HYAL4: variants seen among roughly 807,000 people sequenced by gnomAD.
HYAL4 encodes the protein hyaluronidase 4.
HYAL4 carries 37 observed loss-of-function variants against 35.2 expected under a neutral mutation model. The ratio of observed to expected loss-of-function variants is 1.05; its 90% CI spans 0.81 to 1.38. The LOEUF (loss-of-function observed/expected upper bound fraction) is 1.38. Among genes scored for constraint, HYAL4 ranks in the 40% most tolerant of loss-of-function variants. The pLI is 0.00. For synonymous variants in HYAL4, 198 were observed against 203.2 expected (o/e 0.97, Z 0.22); for missense variants, 572 against 572.4 (o/e 1.00, Z 0.01).
At chr7:123,811,923 C>A in the HYAL4 span, among the ~76,000 whole-genome samples, 1 of 152,156 alleles carries the variant, frequency 6.6e-6, no homozygotes, top group South Asian at 2.1e-4. Context: ...CTCACTGCAA[C>A]CTCCATCTAC....
chr7:123,819,867 C>T, the HYAL4 span, among the ~76,000 whole-genome samples: 4 of 150,616 alleles, frequency 2.7e-5, no homozygotes, highest in South Asian at 8.4e-4. Flanking sequence ...GCAGATTCTC[C>T]AAAAATGATA....
the HYAL4 span, among the ~76,000 whole-genome samples, chr7:123,773,962 T>TG: frequency 1.3e-5 from 2 of 152,136 alleles, no homozygotes; most frequent in Admixed American, 6.6e-5. Context: ...TGCTAGGCAG[T>TG]GGGGGGTCAA....
the HYAL4 span, among the ~76,000 whole-genome samples, chr7:123,796,292 T>C: frequency 6.6e-6 from 1 of 152,196 alleles, no homozygotes; most frequent in African/African-American, 2.4e-5. Context: ...CAATTCCTTC[T>C]GTCACTTGGA....
In HYAL4 at chr7:123,868,555, A is replaced by G. The variant is rs1401657527; in HGVS notation, c.282A>G (p.Arg94=). ...GQNVTIFYVN[R]LGYYPWYTSQ... is the part of the protein sequence containing the mutation. The stretch of plus-strand genomic sequence containing the variant: ...ATGTCACTATATTTTATGTCAACAG[A>G]TTGGGATACTATCCGTGGTATACAT... Residue 94 remains arginine, a synonymous_variant, in exon 3 of 5, where the codon AGA becomes AGG. Transcript: ENST00000223026. 6.2e-7 allele frequency: 1 copy of G among 1,613,570 alleles called. No homozygotes were observed. The highest frequency in any genetic ancestry group is 1.3e-5 in the African/African-American group (1 of 74,938).
the HYAL4 span, among the ~76,000 whole-genome samples, chr7:123,800,750 G>A: frequency 1.3e-5 from 2 of 151,470 alleles, no homozygotes; most frequent in East Asian, 2.0e-4. Context: ...TCTGCCTCTC[G>A]GGTTCAAACG....
At chr7:123,770,755 G>T in the HYAL4 span, among the ~76,000 whole-genome samples, 1 of 151,814 alleles carries the variant, frequency 6.6e-6, no homozygotes, top group African/African-American at 2.4e-5. Flanking sequence ...TACATGATCC[G>T]AGTTGTGCTT....
At position 123,868,996 on chromosome 7, in the gene HYAL4, A is replaced by C; in HGVS notation, c.723A>C (p.Glu241Asp). The C allele has an allele frequency of 6.2e-7, 1 of 1,613,798 alleles. No homozygotes were observed. Among genetic ancestry groups the C allele is most frequent in the Non-Finnish European group, 8.5e-7 (1 of 1,179,788 alleles). Reference sequence around the variant, plus strand: ...ACTCTGGGTCATGCCCAGAAGACGAAGTCTTGAGGAACAATGAGCTCTCTT... The same window carrying C: ...ACTCTGGGTCATGCCCAGAAGACGACGTCTTGAGGAACAATGAGCTCTCTT... ...PNYSGSCPEDEVLRNNELSWL... is the reference protein window; with the variant it reads ...PNYSGSCPEDDVLRNNELSWL... The change falls in exon 3 of 5, where the codon GAA becomes GAC. Residue 241 changes from glutamate to aspartate, a missense_variant. Glu to Asp is a conservative substitution (Grantham distance 45). Transcript: ENST00000223026.
At chr7:123,793,492 C>T in the HYAL4 span, among the ~76,000 whole-genome samples, 5 of 152,150 alleles carry the variant, frequency 3.3e-5, no homozygotes, top group African/African-American at 1.2e-4. Flanking sequence ...TCCATAATCC[C>T]TAGATATCAT....
At chr7:123,803,680 G>A in the HYAL4 span, among the ~76,000 whole-genome samples, 1 of 152,114 alleles carries the variant, frequency 6.6e-6, no homozygotes, top group Admixed American at 6.6e-5. Context: ...CTTCAACACA[G>A]AAGATGCCCA....
chr7:123,777,578 C>T, the HYAL4 span, among the ~76,000 whole-genome samples: 4 of 152,156 alleles, frequency 2.6e-5, no homozygotes, highest in African/African-American at 4.8e-5. Context: ...TAAAATTATA[C>T]ACTCCTTGAG....
At chr7:123,871,646 C>CA (rs1324852133) in intron 3 of HYAL4, among the ~76,000 whole-genome samples, 1 of 152,164 alleles carries the variant, frequency 6.6e-6, no homozygotes, top group Non-Finnish European at 1.5e-5. Flanking sequence ...TAGTAAGTAG[C>CA]AAATCTCTTA....
intron 2 of HYAL4, among the ~76,000 whole-genome samples, chr7:123,864,839 C>T (rs183300142): frequency 2.0e-5 from 3 of 151,592 alleles, no homozygotes; most frequent in South Asian, 4.2e-4. Context: ...GAGGGCACAC[C>T]AGTGCCCTGA....
At chr7:123,826,129 T>C (rs935736366), upstream of HYAL4, among the ~76,000 whole-genome samples, 1 of 152,110 alleles carries the variant, frequency 6.6e-6, no homozygotes, top group Non-Finnish European at 1.5e-5. Context: ...ATTTAGCTAA[T>C]GCTCCAGATA....
intron 1 of HYAL4, among the ~76,000 whole-genome samples, chr7:123,834,015 G>A (rs1477658653): frequency 6.6e-6 from 1 of 152,074 alleles, no homozygotes; most frequent in East Asian, 1.9e-4. Context: ...AAATCAGGTA[G>A]TGTGATGCTC....
chr7:123,859,566 T>G (rs769440571), intron 2 of HYAL4, among the ~76,000 whole-genome samples: 1 of 151,956 alleles, frequency 6.6e-6, no homozygotes, highest in African/African-American at 2.4e-5. Flanking sequence ...TCATTTCCAT[T>G]AAAAAAAATC....
At chr7:123,819,890 T>C in the HYAL4 span, among the ~76,000 whole-genome samples, 1 of 148,874 alleles carries the variant, frequency 6.7e-6, no homozygotes, top group African/African-American at 2.4e-5. Flanking sequence ...TAATTCTTTT[T>C]TTTTCTTTTT....
upstream of HYAL4, among the ~76,000 whole-genome samples, chr7:123,825,894 A>G (rs1323021791): frequency 3.3e-5 from 5 of 151,458 alleles, no homozygotes; most frequent in African/African-American, 9.7e-5. Context: ...CTAAAAAATT[A>G]TTTTTCTAAT....
intron 2 of HYAL4, among the ~76,000 whole-genome samples, chr7:123,857,213 C>G (rs558914828): frequency 4.3e-4 from 66 of 152,214 alleles, no homozygotes; most frequent in Non-Finnish European, 7.6e-4. Flanking sequence ...CATTGGTGTT[C>G]CAGGTGCCAC....
intron 1 of HYAL4, among the ~76,000 whole-genome samples, chr7:123,834,217 C>T (rs1805926696): frequency 6.6e-6 from 1 of 152,124 alleles, no homozygotes; most frequent in African/African-American, 2.4e-5. Context: ...CATCCATGAG[C>T]ATGGGATGTG....
Sources: gnomAD v4.1 joint callset for allele counts (sites outside exome capture counted in the v4.1 genomes callset) on GRCh38, gnomAD v4.1.1 for gene constraint, MANE v1.5 for transcripts, NCBI Gene and HGNC (gene_info 2026-07-23, HGNC 2026-07-21) for gene names.